Variants in TMEM132E observed in about 807,000 individuals in gnomAD.
TMEM132E encodes transmembrane protein 132E.
In TMEM132E, 49 loss-of-function variants were observed where a neutral mutation model predicts 78.5. That is an observed-to-expected ratio of 0.62 (90% CI 0.50 to 0.79). TMEM132E has a LOEUF of 0.79. TMEM132E is among the 30% of genes least tolerant of loss of function. The pLI is 0.00. For missense variants in TMEM132E, 1,403 were observed against 1,470.9 expected, an observed-to-expected ratio of 0.95 and a Z score of 0.75; for synonymous variants, 715 against 670.6, an observed-to-expected ratio of 1.07 and a Z score of -1.02.
chr17:34,612,427 G>A (rs183615549), intron 1 of TMEM132E, among the ~76,000 whole-genome samples: 18 of 152,162 alleles, frequency 1.2e-4, no homozygotes, highest in Non-Finnish European at 2.5e-4. Flanking sequence ...TCCAGCAGGG[G>A]CCTTGGCTTA....
intron 1 of TMEM132E, among the ~76,000 whole-genome samples, chr17:34,599,157 C>T (rs1012601422): frequency 6.6e-6 from 1 of 152,192 alleles, no homozygotes; most frequent in African/African-American, 2.4e-5. Flanking sequence ...AGTGAGGTTC[C>T]TGGTTCTGTC....
chr17:34,614,999 G>C (rs1020751828), intron 1 of TMEM132E, among the ~76,000 whole-genome samples: 1 of 152,190 alleles, frequency 6.6e-6, no homozygotes, highest in African/African-American at 2.4e-5. Context: ...TCTTGGGATT[G>C]CTTCCCCATA....
intron 1 of TMEM132E, among the ~76,000 whole-genome samples, chr17:34,600,712 G>T (rs140011096): frequency 1.4e-3 from 209 of 152,288 alleles, no homozygotes; most frequent in Middle Eastern, 3.4e-3. Flanking sequence ...GTGCGGCCCC[G>T]GCAGAACTGG....
In TMEM132E at chr17:34,580,992, T is replaced by C; in HGVS notation, c.-85T>C. The C allele has an allele frequency of 2.5e-6, 3 of 1,192,658 alleles. No homozygotes were observed. The highest frequency in any genetic ancestry group is 1.6e-5 in the South Asian group (1 of 62,678). 73.9% of individuals were successfully genotyped at this position (1,192,658 alleles called of 1,614,324 possible). A position where few individuals can be genotyped will look rare whatever the true frequency, so the allele number is the denominator to read the frequency against. On this transcript the variant is annotated 5_prime_UTR_variant, in exon 1 of 9. Transcript: ENST00000631683. Reference sequence around the variant, plus strand: ...AGACAGCCGGGCGCCACGGCAGCCCTGAGTTGGATGTGACCAAGCCCAGCC... The same window carrying C: ...AGACAGCCGGGCGCCACGGCAGCCCCGAGTTGGATGTGACCAAGCCCAGCC...
At chr17:34,584,765 A>G (rs1427357349) in intron 1 of TMEM132E, among the ~76,000 whole-genome samples, 1 of 152,242 alleles carries the variant, frequency 6.6e-6, no homozygotes, top group Non-Finnish European at 1.5e-5. Flanking sequence ...AGGATGGAGC[A>G]GGCCCATGCC....
intron 3 of TMEM132E, 131 bp downstream of exon 3, chr17:34,628,840 G>A: frequency 7.3e-7 from 1 of 1,373,542 alleles, no homozygotes; most frequent in Non-Finnish European, 9.7e-7. Context: ...TGAGGTCCAG[G>A]CCCCTCAGTG....
At position 34,638,486 on chromosome 17, in the gene TMEM132E, C is replaced by A. The variant is rs1032214687; in HGVS notation, c.*254C>A. 8.9e-6 allele frequency: 4 copies of A among 449,140 alleles called. No individual in the cohort carries two copies. The highest frequency in any genetic ancestry group is 3.9e-5 in the Admixed American group (1 of 25,660). 27.8% of individuals were successfully genotyped at this position (449,140 alleles called of 1,614,324 possible). On this transcript the variant is annotated 3_prime_UTR_variant, in exon 9 of 9. Transcript: ENST00000631683. ...TGGCTCGTAAGGAGGAAAGCAACCC[C>A]AGCCTCTGTTCTGCCCTTTCCAAAC... is the stretch of plus-strand genomic sequence containing the variant.
rs994746320 is a variant in TMEM132E, at chr17:34,629,891, T to A, written c.1339-117T>A. On this transcript the variant is annotated intron_variant, in intron 4 of 8. Transcript: ENST00000631683. ...TGCACACGGGTGCAAGTGTCCCCAC[T>A]GGAAGGATGTGCATCTGAGGAGTGG... The A allele has an allele frequency of 1.6e-5, 19 of 1,213,090 alleles. No homozygotes were observed. In the African/African-American group the frequency reaches 2.5e-4, roughly 16 times the overall value. The allele number at this position is 1,213,090 out of a possible 1,614,324, so 75.1% of individuals were successfully genotyped here.
rs577455157 is a variant in TMEM132E, at chr17:34,595,285, G to A, written c.67+14142G>A. Among the ~76,000 whole-genome samples the A allele has an allele frequency of 3.3e-5, 5 of 152,358 alleles. No homozygotes were observed. The East Asian group carries it at 9.6e-4, about 29-fold the overall frequency. ...TCCCTAAACTTCAGTCTTCTTACCT[G>A]TAAGGTGGTCTATACTGAACAGTGC... On this transcript the variant is annotated intron_variant, in intron 1 of 8. Transcript: ENST00000631683.
At chr17:34,583,583 C>T (rs1424971232) in intron 1 of TMEM132E, among the ~76,000 whole-genome samples, 1 of 152,154 alleles carries the variant, frequency 6.6e-6, no homozygotes. Context: ...GTTGGGGTTC[C>T]GGGGCTTTTC....
chr17:34,607,461 C>A (rs974144508), intron 1 of TMEM132E, among the ~76,000 whole-genome samples: 1 of 152,180 alleles, frequency 6.6e-6, no homozygotes, highest in Non-Finnish European at 1.5e-5. Context: ...ATTTCAGACA[C>A]CAAATGTGCA....
chr17:34,618,340 T>A (rs986204936), intron 1 of TMEM132E, among the ~76,000 whole-genome samples: 22 of 152,140 alleles, frequency 1.4e-4, no homozygotes, highest in African/African-American at 5.3e-4. Flanking sequence ...TGGGCTCAAG[T>A]GATCCTCCTG....
intron 1 of TMEM132E, 139 bp downstream of exon 1, chr17:34,581,282 T>G: frequency 1.3e-6 from 1 of 785,682 alleles, no homozygotes; most frequent in Non-Finnish European, 1.8e-6. Flanking sequence ...TGGCTGCAGC[T>G]CGAGTTACCG....
intron 1 of TMEM132E, among the ~76,000 whole-genome samples, chr17:34,617,659 G>T (rs924118699): frequency 1.3e-5 from 2 of 152,194 alleles, no homozygotes; most frequent in Non-Finnish European, 2.9e-5. Flanking sequence ...GCTCTGAGAG[G>T]TTAAGTAACT....
At chr17:34,635,856 C>T (rs1041129404) in intron 7 of TMEM132E, 151 bp from the exon 8 acceptor site, 2 of 697,306 alleles carry the variant, frequency 2.9e-6, no homozygotes, top group African/African-American at 3.7e-5. Flanking sequence ...GGTTGCAGAC[C>T]TGAGGCAGAG....
At chr17:34,630,417 T>C (rs62062164) in intron 5 of TMEM132E, among the ~76,000 whole-genome samples, 7,346 of 152,142 alleles carry the variant, frequency 0.048, 255 homozygotes, top group Middle Eastern at 0.078. Context: ...TCCCTCTTCC[T>C]GCCCCTGGAT....
At chr17:34,588,559 C>A (rs1475434109) in intron 1 of TMEM132E, among the ~76,000 whole-genome samples, 1 of 152,188 alleles carries the variant, frequency 6.6e-6, no homozygotes, top group African/African-American at 2.4e-5. Flanking sequence ...CTGTTCTAGG[C>A]ATTTGGTTGT....
chr17:34,637,608 A>C lies in TMEM132E; in HGVS notation c.2601A>C (p.Thr867=). Reference sequence around the variant, plus strand: ...CCGCCAGCCCCGTCGTGCCACCCACAGAAGACTTCCTGCCGCTGCCCACCG... The same window carrying C: ...CCGCCAGCCCCGTCGTGCCACCCACCGAAGACTTCCTGCCGCTGCCCACCG... ...PGTASPVVPP[T]EDFLPLPTGF... The change falls in exon 9 of 9, where the codon ACA becomes ACC. Residue 867 remains threonine (T), a synonymous_variant. Transcript: ENST00000631683. The C allele has an allele frequency of 6.2e-7, 1 of 1,603,182 alleles. No individual in the cohort carries two copies. Among genetic ancestry groups the C allele is most frequent in the African/African-American group, 1.3e-5 (1 of 75,014 alleles).
chr17:34,630,280 T>TGCAACAGAAG, intron 5 of TMEM132E, 129 bp downstream of exon 5: 1 of 972,036 alleles, frequency 1.0e-6, no homozygotes, highest in Non-Finnish European at 1.5e-6. Context: ...CTCCCTGTGC[T>TGCAACAGAAG]GGGACCCCTT....
Sources: allele counts gnomAD v4.1 joint callset (sites outside exome capture counted in the v4.1 genomes callset), GRCh38; gene constraint gnomAD v4.1.1; transcripts MANE v1.5; gene names NCBI Gene and HGNC (gene_info 2026-07-23, HGNC 2026-07-21).